PTPN3: variants seen among roughly 807,000 people sequenced by gnomAD.
PTPN3 encodes the protein protein tyrosine phosphatase non-receptor type 3, also known as tyrosine-protein phosphatase non-receptor type 3.
Under a neutral mutation model 132.7 loss-of-function variants are expected in PTPN3, and 96 were observed. The ratio of observed to expected loss-of-function variants is 0.72; its 90% confidence interval spans 0.61 to 0.86. The LOEUF is 0.86. Among genes scored for constraint, PTPN3 ranks in the 40% least tolerant of loss-of-function variants. The pLI is 0.00. For missense variants in PTPN3, 1,125 were observed against 1,159.6 expected (o/e 0.97, Z 0.43); for synonymous variants, 398 against 429.0 (o/e 0.93, Z 0.89).
chr9:109,438,665 A>G (rs1386553871), intron 7 of PTPN3, among the ~76,000 whole-genome samples: 1 of 152,192 alleles, frequency 6.6e-6, no homozygotes, highest in Non-Finnish European at 1.5e-5. Flanking sequence ...CAAGGTTACC[A>G]TAACACTGGA....
intron 5 of PTPN3, chr9:109,449,983 T>C: frequency 1.0e-6 from 1 of 984,222 alleles, no homozygotes; most frequent in Non-Finnish European, 1.2e-6. Flanking sequence ...GTAAGGTAGG[T>C]ACCACTATCT....
intron 20 of PTPN3, 114 bp downstream of exon 20, chr9:109,391,357 G>A (rs991116868): frequency 7.0e-6 from 9 of 1,293,836 alleles, no homozygotes; most frequent in African/African-American, 4.5e-5. Context: ...CAATAAAGAC[G>A]GTGGTGTTTA....
At chr9:109,491,668 G>A (rs907232341) in intron 1 of PTPN3, among the ~76,000 whole-genome samples, 8 of 152,208 alleles carry the variant, frequency 5.3e-5, no homozygotes, top group Admixed American at 3.9e-4. Flanking sequence ...AATGGAGAGA[G>A]ATCTGGTGGC....
At chr9:109,484,308 G>A (rs914161068) in intron 1 of PTPN3, among the ~76,000 whole-genome samples, 4 of 152,216 alleles carry the variant, frequency 2.6e-5, no homozygotes, top group African/African-American at 9.6e-5. Context: ...TTGTGAGGTG[G>A]AGACACCACT....
At chr9:109,468,361 T>G (rs10816817) in intron 1 of PTPN3, among the ~76,000 whole-genome samples, 44,905 of 151,996 alleles carry the variant, frequency 0.3, 7,033 homozygotes, top group South Asian at 0.4. Context: ...CAGTTTTTTT[T>G]TTTGTTTGTT....
intron 1 of PTPN3, among the ~76,000 whole-genome samples, chr9:109,489,395 T>C (rs925163631): frequency 2.0e-5 from 3 of 152,266 alleles, no homozygotes; most frequent in Admixed American, 6.5e-5. Context: ...GTTAGTTTTG[T>C]CTTTATCCAG....
chr9:109,450,750 T>C, intron 5 of PTPN3: 1 of 985,452 alleles, frequency 1.0e-6, no homozygotes, highest in Non-Finnish European at 1.2e-6. Context: ...TACAGGATAG[T>C]TCTTTAGAAG....
At chr9:109,527,559 T>G in the PTPN3 span, among the ~76,000 whole-genome samples, 2 of 152,198 alleles carry the variant, frequency 1.3e-5, no homozygotes, top group Non-Finnish European at 2.9e-5. Flanking sequence ...TGATAGTAAG[T>G]AGGGAAGTTA....
chr9:109,499,676 G>A (rs542197348), upstream of PTPN3, among the ~76,000 whole-genome samples: 1 of 152,326 alleles, frequency 6.6e-6, no homozygotes, highest in South Asian at 2.1e-4. Flanking sequence ...CCAGGTCCTG[G>A]GGGCAGTCGT....
chr9:109,459,349 G>A (rs561539772), intron 2 of PTPN3, among the ~76,000 whole-genome samples: 2 of 152,312 alleles, frequency 1.3e-5, no homozygotes, highest in South Asian at 4.1e-4. Flanking sequence ...GAGTCTGAAT[G>A]AGACTGTGCA....
chr9:109,484,723 C>A (rs1304716585), intron 1 of PTPN3, among the ~76,000 whole-genome samples: 1 of 152,150 alleles, frequency 6.6e-6, no homozygotes, highest in Non-Finnish European at 1.5e-5. Context: ...CATTCCCTCA[C>A]CCCACATCTA....
Position 109,389,275 on chromosome 9 carries a change from C to A in PTPN3, c.2211G>T (p.Leu737Phe), listed in dbSNP as rs751351405. The A allele has an allele frequency of 5.6e-6, 9 of 1,614,084 alleles. No homozygotes were observed. In the Admixed American group the frequency reaches 1.2e-4, roughly 21 times the overall value. Residue 737 changes from leucine to phenylalanine, a missense_variant, in exon 22 of 26, where the codon TTG becomes TTT. Coordinates refer to ENST00000374541, the MANE Select transcript of PTPN3 (RefSeq NM_002829.4). ...GAGTCGTCAACATGACAATGAGTGA[C>A]AACTTCTGATCCCAGACAACCTGCC... Reference protein sequence around the residue: ...QFWQVVWDQKLSLIVMLTTLT... With the variant: ...QFWQVVWDQKFSLIVMLTTLT...
rs190457457 is a variant in PTPN3 at position 109,479,489 on chromosome 9, T to C, written c.-17-16038A>G. ...ATGCTTAAATTTTATCATTTCAGCATACAAGTATCTGTCCGAGTCCACTTT... is the reference window on the plus strand; with the variant it reads ...ATGCTTAAATTTTATCATTTCAGCACACAAGTATCTGTCCGAGTCCACTTT... On this transcript the variant is annotated intron_variant, in intron 1 of 25. Coordinates refer to ENST00000374541, the MANE Select transcript of PTPN3 (RefSeq NM_002829.4). Among the ~76,000 whole-genome samples the C allele has an allele frequency of 2.0e-5, 3 of 152,404 alleles. No individual in the cohort carries two copies. In the East Asian group the frequency reaches 5.8e-4, roughly 29 times the overall value.
chr9:109,466,662 G>A (rs527484988), intron 1 of PTPN3, among the ~76,000 whole-genome samples: 43 of 152,322 alleles, frequency 2.8e-4, no homozygotes, highest in African/African-American at 9.6e-4. Context: ...CCCAGGTGAT[G>A]ACCAAGCTGC....
At chr9:109,494,515 C>T (rs145311032) in intron 1 of PTPN3, among the ~76,000 whole-genome samples, 50 of 152,194 alleles carry the variant, frequency 3.3e-4, no homozygotes, top group Admixed American at 7.2e-4. Context: ...ATGCCTTTGC[C>T]CCTGCTGTTT....
At chr9:109,395,126 C>G (rs926448333) in intron 19 of PTPN3, among the ~76,000 whole-genome samples, 1 of 143,882 alleles carries the variant, frequency 7.0e-6, no homozygotes, top group South Asian at 2.2e-4. Context: ...GGCAACAGAG[C>G]GAGACTCCAT....
chr9:109,503,152 A>C (rs1490124279), upstream of PTPN3, among the ~76,000 whole-genome samples: 7 of 152,186 alleles, frequency 4.6e-5, no homozygotes, highest in Admixed American at 4.6e-4. Context: ...AATTGCTCAA[A>C]AAAAAGTGAG....
At chr9:109,447,713 G>T (rs1844954315) in intron 6 of PTPN3, among the ~76,000 whole-genome samples, 1 of 152,184 alleles carries the variant, frequency 6.6e-6, no homozygotes. Flanking sequence ...CTTGAAGGCT[G>T]TCCATTCCCT....
chr9:109,534,207 G>T, the PTPN3 span: 2 of 1,252,596 alleles, frequency 1.6e-6, no homozygotes, highest in Non-Finnish European at 2.3e-6. Flanking sequence ...CTGATGTGAA[G>T]CCTCCCGGGC....
Sources: allele counts gnomAD v4.1 joint callset (sites outside exome capture counted in the v4.1 genomes callset), GRCh38; gene constraint gnomAD v4.1.1; transcripts MANE v1.5; gene names NCBI Gene and HGNC (gene_info 2026-07-23, HGNC 2026-07-21).